Variants in FLNB observed in about 807,000 individuals in gnomAD.
FLNB encodes the protein filamin B.
In FLNB, 111 loss-of-function variants were observed where a neutral mutation model predicts 250.6. That is an observed-to-expected ratio of 0.44 (90% confidence interval 0.38 to 0.52). The LOEUF (loss-of-function observed/expected upper bound fraction) is 0.52, where lower values mean the gene tolerates loss of function less well. Ranked by LOEUF, FLNB falls within the 20% of genes least tolerant of loss-of-function variation. FLNB has a pLI of 0.00. For synonymous variants in FLNB, 1,302 were observed against 1,372.1 expected, an observed-to-expected ratio of 0.95 and a Z score of 1.13; for missense variants, 2,869 against 3,447.8, an observed-to-expected ratio of 0.83 and a Z score of 4.20.
At chr3:58,024,655 C>T (rs138206561) in intron 1 of FLNB, among the ~76,000 whole-genome samples, 86 of 149,652 alleles carry the variant, frequency 5.7e-4, no homozygotes, top group African/African-American at 2.0e-3. Context: ...GAGTAGGAAC[C>T]ATCATGAGTG....
chr3:58,014,141 A>G (rs980273582), intron 1 of FLNB, among the ~76,000 whole-genome samples: 4 of 152,242 alleles, frequency 2.6e-5, no homozygotes, highest in African/African-American at 7.2e-5. Context: ...TAAATAAGGC[A>G]CTGTTTAATA....
At chr3:58,047,114 C>T (rs1461884724) in intron 1 of FLNB, among the ~76,000 whole-genome samples, 1 of 152,192 alleles carries the variant, frequency 6.6e-6, no homozygotes, top group East Asian at 1.9e-4. Flanking sequence ...CTTTCTCAAA[C>T]TCCCTGTACC....
chr3:58,016,690 T>G (rs2097106288), intron 1 of FLNB, among the ~76,000 whole-genome samples: 1 of 152,222 alleles, frequency 6.6e-6, no homozygotes, highest in South Asian at 2.1e-4. Flanking sequence ...GTTTCTACAT[T>G]TAGTTTTTTT....
intron 16 of FLNB, 150 bp from the exon 17 acceptor site, chr3:58,111,641 A>G: frequency 1.5e-6 from 1 of 672,828 alleles, no homozygotes; most frequent in Non-Finnish European, 2.8e-6. Flanking sequence ...CTTTTGGCTT[A>G]TCTTACCCTT....
At chr3:58,117,952 G>A (rs571543629) in intron 18 of FLNB, among the ~76,000 whole-genome samples, 4 of 152,266 alleles carry the variant, frequency 2.6e-5, no homozygotes, top group South Asian at 2.1e-4. Flanking sequence ...GGGGGAACTC[G>A]TCTCTCCCTC....
chr3:58,048,026 C>G (rs1361133963), intron 1 of FLNB, among the ~76,000 whole-genome samples: 1 of 152,092 alleles, frequency 6.6e-6, no homozygotes, highest in East Asian at 1.9e-4. Context: ...CACTGCATAC[C>G]CAAGAGGTTA....
At chr3:58,046,690 T>C (rs931488366) in intron 1 of FLNB, among the ~76,000 whole-genome samples, 3 of 152,200 alleles carry the variant, frequency 2.0e-5, no homozygotes, top group Non-Finnish European at 4.4e-5. Context: ...TGCCTTGGCC[T>C]CCCAAAGTGT....
At chr3:58,021,232 G>T (rs1285192583) in intron 1 of FLNB, among the ~76,000 whole-genome samples, 1 of 152,216 alleles carries the variant, frequency 6.6e-6, no homozygotes. Context: ...GTGGGGTAAA[G>T]CAGGCCAGAG....
intron 32 of FLNB, 23 bp downstream of exon 32, chr3:58,143,636 GC>G (rs1326841591): frequency 6.2e-7 from 1 of 1,613,054 alleles, no homozygotes. Flanking sequence ...AGCAGGCCCA[GC>G]AGGGCTCCAC....
At position 58,159,595 on chromosome 3, in the gene FLNB, A is replaced by T; in HGVS notation, c.6930A>T (p.Ile2310=). The change falls in exon 42 of 46, where the codon ATA becomes ATT. Residue 2310 remains isoleucine (I), a synonymous_variant. Transcript: ENST00000295956. ...LKVNQPASFA[I]RLNGAKGKID... ...TTAACCAGCCAGCATCCTTTGCTAT[A>T]AGGTTGAATGGCGCAAAAGGCAAGA... The T allele has an allele frequency of 1.2e-6, 2 of 1,614,082 alleles. No individual in the cohort carries two copies. Among genetic ancestry groups the T allele is most frequent in the Non-Finnish European group, 1.7e-6 (2 of 1,179,976 alleles).
At chr3:58,125,848 A>G in intron 23 of FLNB, 105 bp downstream of exon 23, 1 of 1,127,784 alleles carries the variant, frequency 8.9e-7, no homozygotes, top group Non-Finnish European at 1.3e-6. Context: ...TTTTATTTTT[A>G]TAACATGTAT....
intron 1 of FLNB, among the ~76,000 whole-genome samples, chr3:58,040,715 G>A (rs1284656442): frequency 1.3e-5 from 2 of 152,052 alleles, no homozygotes; most frequent in African/African-American, 4.8e-5. Flanking sequence ...GGCTGGTCTC[G>A]AACTCCTGAC....
intron 42 of FLNB, 23 bp downstream of exon 42, chr3:58,159,709 G>C: frequency 1.2e-6 from 2 of 1,610,332 alleles, no homozygotes; most frequent in Non-Finnish European, 1.7e-6. Flanking sequence ...CCTGCTGGGG[G>C]GTCCCAGCAC....
At chr3:58,062,416 G>C (rs915868830) in intron 1 of FLNB, among the ~76,000 whole-genome samples, 4 of 152,094 alleles carry the variant, frequency 2.6e-5, no homozygotes, top group African/African-American at 9.7e-5. Context: ...ACCACTTACT[G>C]TCAGGGAGGC....
intron 22 of FLNB, among the ~76,000 whole-genome samples, chr3:58,125,088 G>A (rs1280141698): frequency 1.3e-5 from 2 of 152,024 alleles, no homozygotes; most frequent in Admixed American, 1.3e-4. Flanking sequence ...GCAGATAGAC[G>A]GTTTGTATTA....
intron 18 of FLNB, among the ~76,000 whole-genome samples, chr3:58,118,281 T>C (rs1576749612): frequency 6.6e-6 from 1 of 152,238 alleles, no homozygotes; most frequent in Admixed American, 6.5e-5. Flanking sequence ...AGCACAGGTC[T>C]AGGTGAACTC....
chr3:58,148,935 CA>C, intron 36 of FLNB, 83 bp downstream of exon 36: 7 of 1,221,358 alleles, frequency 5.7e-6, no homozygotes, highest in Non-Finnish European at 8.4e-6. Flanking sequence ...TTCATCCTAC[CA>C]ACTCCTTTTC....
chr3:58,114,369 C>A (rs2097274309), intron 18 of FLNB, among the ~76,000 whole-genome samples: 1 of 152,132 alleles, frequency 6.6e-6, no homozygotes, highest in Non-Finnish European at 1.5e-5. Context: ...TTCCTGATCT[C>A]AGGTGATCTG....
chr3:58,104,691 C>A (rs148219083), intron 10 of FLNB, among the ~76,000 whole-genome samples: 19 of 152,248 alleles, frequency 1.2e-4, no homozygotes, highest in Non-Finnish European at 2.8e-4. Context: ...CACATTCATT[C>A]ATGTATGAGA....
Sources: gnomAD v4.1 joint callset for allele counts (sites outside exome capture counted in the v4.1 genomes callset) on GRCh38, gnomAD v4.1.1 for gene constraint, MANE v1.5 for transcripts, NCBI Gene and HGNC (gene_info 2026-07-23, HGNC 2026-07-21) for gene names.